The following GOT1 variants were observed in gnomAD, a reference collection of about 807,000 sequenced individuals.
GOT1 encodes glutamic-oxaloacetic transaminase 1.
GOT1 carries 25 observed loss-of-function variants against 48.2 expected under a neutral mutation model. That is an observed-to-expected ratio of 0.52 (90% CI 0.38 to 0.72). The LOEUF is 0.72. GOT1 is among the 30% of genes least tolerant of loss of function. The pLI is 0.00. For missense variants in GOT1, 380 were observed against 520.1 expected (o/e 0.73, Z 2.62); for synonymous variants, 188 against 193.8 (o/e 0.97, Z 0.25).
intron 1 of GOT1, among the ~76,000 whole-genome samples, chr10:99,428,720 C>G (rs1270855723): frequency 6.6e-6 from 1 of 152,126 alleles, no homozygotes; most frequent in Non-Finnish European, 1.5e-5. Context: ...TGTATACATC[C>G]CGCTGCAAAG....
At chr10:99,426,652 C>A (rs1369839187) in intron 1 of GOT1, among the ~76,000 whole-genome samples, 1 of 152,210 alleles carries the variant, frequency 6.6e-6, no homozygotes, top group Non-Finnish European at 1.5e-5. Flanking sequence ...CTTAAAACCA[C>A]TTCAGTCTGA....
intron 2 of GOT1, among the ~76,000 whole-genome samples, chr10:99,407,557 C>T (rs188076952): frequency 2.0e-3 from 299 of 151,920 alleles, no homozygotes; most frequent in Non-Finnish European, 2.3e-3. Context: ...CTCAGCCTCC[C>T]GAGTAGCTGG....
At chr10:99,422,516 C>A (rs1416778414) in intron 1 of GOT1, among the ~76,000 whole-genome samples, 1 of 152,126 alleles carries the variant, frequency 6.6e-6, no homozygotes, top group Admixed American at 6.6e-5. Context: ...AGAATTTCAA[C>A]ATGCTTTTTT....
At chr10:99,417,825 TCTCA>T (rs1349079485) in intron 2 of GOT1, among the ~76,000 whole-genome samples, 1 of 152,118 alleles carries the variant, frequency 6.6e-6, no homozygotes, top group Non-Finnish European at 1.5e-5. Flanking sequence ...TGCTGCATGT[TCTCA>T]CTCATAGGTG....
Position 99,397,171 on chromosome 10 carries a change from C to CT in GOT1, c.*375dup, listed in dbSNP as rs1278988877. On this transcript the variant is annotated 3_prime_UTR_variant, in exon 9 of 9. Transcript: ENST00000370508. The surrounding 1 kb of genome is among the most constrained non-coding windows in gnomAD (Gnocchi z 5.4). The stretch of plus-strand genomic sequence containing the variant: ...GACACCCACATTCACACTTTGGCTC[C>CT]TTCAGACAACTTGATCTTTGGGACT... 1 of 182,420 alleles carries CT rather than the reference C, an allele frequency of 5.5e-6. No individual in the cohort carries two copies. Among genetic ancestry groups the CT allele is most frequent in the Non-Finnish European group, 1.2e-5 (1 of 85,244 alleles). 11.3% of individuals were successfully genotyped at this position (182,420 alleles called of 1,614,324 possible). A position where few individuals can be genotyped will look rare whatever the true frequency, so the allele number is the denominator to read the frequency against.
chr10:99,422,703 C>T lies in GOT1; in HGVS notation c.119-1898G>A, dbSNP rs186442476. On this transcript the variant is annotated intron_variant, in intron 1 of 8. Coordinates refer to ENST00000370508, the MANE Select transcript of GOT1 (RefSeq NM_002079.3). Reference sequence around the variant, plus strand: ...TCCTTCCTGCATTTCCCTATGCCTACACAAGCAAACACAGCTTCTTACATA... The same window carrying T: ...TCCTTCCTGCATTTCCCTATGCCTATACAAGCAAACACAGCTTCTTACATA... Among the ~76,000 whole-genome samples, 245 of 152,306 alleles carry T rather than the reference C, an allele frequency of 1.6e-3. 2 individuals are homozygous for T. The highest frequency in any genetic ancestry group is 2.9e-3 in the Non-Finnish European group (197 of 68,022).
chr10:99,408,368 A>G (rs2032788350), intron 2 of GOT1, among the ~76,000 whole-genome samples: 1 of 152,154 alleles, frequency 6.6e-6, no homozygotes, highest in South Asian at 2.1e-4. Flanking sequence ...CATAAACCCC[A>G]TGTTGCCCAA....
At chr10:99,422,469 G>T (rs1214115278) in intron 1 of GOT1, among the ~76,000 whole-genome samples, 1 of 152,004 alleles carries the variant, frequency 6.6e-6, no homozygotes, top group Non-Finnish European at 1.5e-5. Flanking sequence ...TTTTTGATGG[G>T]CATATTCTTT....
chr10:99,411,126 A>T (rs1271071973), intron 2 of GOT1, among the ~76,000 whole-genome samples: 4 of 152,248 alleles, frequency 2.6e-5, no homozygotes, highest in Non-Finnish European at 4.4e-5. Context: ...GAACTAGATG[A>T]AGAAAGAAGA....
In GOT1 at chr10:99,397,496, AAC is replaced by A. The variant is rs2032616144; in HGVS notation, c.*49_*50del. On this transcript the variant is annotated 3_prime_UTR_variant, in exon 9 of 9. Coordinates refer to ENST00000370508, the MANE Select transcript of GOT1 (RefSeq NM_002079.3). This position sits in a 1 kb window ranked among gnomAD's most constrained non-coding sequence, Gnocchi z 5.4. The stretch of plus-strand genomic sequence containing the variant: ...TACATGTAGGTTTGTGCAGGCAGGG[AAC>A]ACACATGACAGAGAACTACTTTGGT... The A allele has an allele frequency of 6.3e-7, 1 of 1,592,702 alleles. No individual in the cohort carries two copies. The highest frequency in any genetic ancestry group is 2.1e-4 in the Middle Eastern group (1 of 4,760).
At chr10:99,419,004 T>C (rs1260405206) in intron 2 of GOT1, among the ~76,000 whole-genome samples, 1 of 152,244 alleles carries the variant, frequency 6.6e-6, no homozygotes, top group Non-Finnish European at 1.5e-5. Flanking sequence ...TGCCTAATCA[T>C]GGACCTGAGT....
At position 99,397,762 on chromosome 10, in the gene GOT1, C is replaced by A; in HGVS notation, c.1103-76G>T. On this transcript the variant is annotated intron_variant, in intron 8 of 8. Transcript: ENST00000370508. The surrounding 1 kb of genome is among the most constrained non-coding windows in gnomAD (Gnocchi z 5.4). ...CAGTGGAGGCTCAGCAATTATATGA[C>A]AATTACAGCTTTACTTCTTTCCCCT... 7.3e-7 allele frequency: 1 copy of A among 1,366,508 alleles called. No individual in the cohort carries two copies. Among genetic ancestry groups the A allele is most frequent in the Non-Finnish European group, 1.0e-6 (1 of 963,706 alleles). 84.6% of individuals were successfully genotyped at this position (1,366,508 alleles called of 1,614,324 possible).
Position 99,429,671 on chromosome 10 carries a change from C to T in GOT1, c.118+777G>A, listed in dbSNP as rs565583586. On this transcript the variant is annotated intron_variant, in intron 1 of 8. Transcript: ENST00000370508. Reference sequence around the variant, plus strand: ...TTAGGGGTAAAAAATTTGAGAGGCACTCCAATATAAATCTTCTTGGCAGAT... The same window carrying T: ...TTAGGGGTAAAAAATTTGAGAGGCATTCCAATATAAATCTTCTTGGCAGAT... Among the ~76,000 whole-genome samples the T allele has an allele frequency of 1.6e-4, 24 of 152,282 alleles. No individual in the cohort carries two copies. In the South Asian group the frequency reaches 4.8e-3, roughly 30 times the overall value.
rs570944835 is a variant in GOT1, at chr10:99,418,782, C to T, written c.300+1842G>A. ...CCTCCCGAAGTGCTGGGATTACAGG[C>T]GTGCATCACCACGCCTGGCCAGTTC... is the stretch of plus-strand genomic sequence containing the variant. On this transcript the variant is annotated intron_variant, in intron 2 of 8. Transcript: ENST00000370508. Among the ~76,000 whole-genome samples, 13 of 152,182 alleles carry T rather than the reference C, an allele frequency of 8.5e-5. 1 individual carries two copies. The South Asian group carries it at 1.5e-3, about 17-fold the overall frequency.
chr10:99,402,187 C>A (rs1427291405), intron 8 of GOT1, among the ~76,000 whole-genome samples: 2 of 152,136 alleles, frequency 1.3e-5, no homozygotes, highest in Admixed American at 6.5e-5. Flanking sequence ...ATAAGAAAGA[C>A]CTGTCAAGAA....
In GOT1 at chr10:99,397,446, G is replaced by C. The variant is rs1485325217; in HGVS notation, c.*101C>G. 157 of 1,273,582 alleles carry C rather than the reference G, an allele frequency of 1.2e-4. No homozygotes were observed. The highest frequency in any genetic ancestry group is 1.7e-4 in the Non-Finnish European group (153 of 882,598). 78.9% of individuals were successfully genotyped at this position (1,273,582 alleles called of 1,614,324 possible). A position where few individuals can be genotyped will look rare whatever the true frequency, so the allele number is the denominator to read the frequency against. On this transcript the variant is annotated 3_prime_UTR_variant, in exon 9 of 9. Coordinates refer to ENST00000370508, the MANE Select transcript of GOT1 (RefSeq NM_002079.3). This position sits in a 1 kb window ranked among gnomAD's most constrained non-coding sequence, Gnocchi z 5.4. ...CTCACCAGAGCAGCCTTTCAGTCCT[G>C]CAAGTGTCTCTAATCCATGGTATGT...
intron 1 of GOT1, among the ~76,000 whole-genome samples, chr10:99,425,379 A>G (rs1237923771): frequency 6.6e-6 from 1 of 152,230 alleles, no homozygotes; most frequent in Non-Finnish European, 1.5e-5. Context: ...AAAGCATTTA[A>G]GCAAGAGAGT....
rs200430334 is a variant in GOT1 at position 99,403,555 on chromosome 10, G to A, written c.873C>T (p.Ile291=). The change falls in exon 7 of 9, where the codon ATC becomes ATT. Residue 291 remains isoleucine, a synonymous_variant. Coordinates refer to ENST00000370508, the MANE Select transcript of GOT1 (RefSeq NM_002079.3). ...GGGGATTGGACCAAGTAATCCGCACGATCTTCTCCATCTGGGAAAGGACTT... is the reference window on the plus strand; with the variant it reads ...GGGGATTGGACCAAGTAATCCGCACAATCTTCTCCATCTGGGAAAGGACTT... ...ILQVLSQMEK[I]VRITWSNPPA... 18 of 1,613,980 alleles carry A rather than the reference G, an allele frequency of 1.1e-5. No individual in the cohort carries two copies. The highest frequency in any genetic ancestry group is 1.6e-4 in the Middle Eastern group (1 of 6,062).
intron 1 of GOT1, among the ~76,000 whole-genome samples, chr10:99,422,869 C>A (rs777774849): frequency 4.6e-5 from 7 of 152,280 alleles, no homozygotes; most frequent in Non-Finnish European, 8.8e-5. Flanking sequence ...GATGAATGTA[C>A]CATATTTTAC....
Sources: allele counts gnomAD v4.1 joint callset (sites outside exome capture counted in the v4.1 genomes callset), GRCh38; gene constraint gnomAD v4.1.1; non-coding constraint Gnocchi (gnomAD v3.1); transcripts MANE v1.5; gene names NCBI Gene and HGNC (gene_info 2026-07-23, HGNC 2026-07-21).